Variants in RCOR1 observed in about 807,000 individuals in gnomAD.
The protein encoded by RCOR1 is REST corepressor.
In RCOR1, 12 loss-of-function variants were observed where a neutral mutation model predicts 64.0. The observed-to-expected ratio is 0.19, with a 90% CI of 0.12 to 0.30. The LOEUF (loss-of-function observed/expected upper bound fraction) is 0.30, where lower values mean the gene tolerates loss of function less well. Among genes scored for constraint, RCOR1 ranks in the 10% least tolerant of loss-of-function variants. The pLI, the probability that RCOR1 is intolerant of heterozygous loss-of-function variation, is 1.00. For missense variants in RCOR1, 502 were observed against 621.2 expected, an observed-to-expected ratio of 0.81 and a Z score of 2.04; for synonymous variants, 279 against 227.2, an observed-to-expected ratio of 1.23 and a Z score of -2.05.
chr14:102,595,973 GAC>G (rs1893233676), intron 2 of RCOR1, among the ~76,000 whole-genome samples: 1 of 152,106 alleles, frequency 6.6e-6, no homozygotes, highest in Admixed American at 6.6e-5. Context: ...TAAGCAGGGG[GAC>G]ACAGTTTTCT....
At chr14:102,718,692 A>AT (rs1428262724) in intron 8 of RCOR1, among the ~76,000 whole-genome samples, 29 of 151,508 alleles carry the variant, frequency 1.9e-4, no homozygotes, top group Admixed American at 6.6e-4. Context: ...TTTCTTACCT[A>AT]TTTCATTGCC....
chr14:102,724,293 G>A (rs544524602), intron 11 of RCOR1, among the ~76,000 whole-genome samples: 18 of 151,748 alleles, frequency 1.2e-4, no homozygotes, highest in African/African-American at 4.1e-4. Flanking sequence ...TTTTCACTCC[G>A]CTAGTCATTT....
intron 2 of RCOR1, among the ~76,000 whole-genome samples, chr14:102,613,423 T>G (rs1893675567): frequency 6.6e-6 from 1 of 151,064 alleles, no homozygotes. Flanking sequence ...TTTTTAAACA[T>G]ATTTATTTAT....
intron 2 of RCOR1, among the ~76,000 whole-genome samples, chr14:102,653,586 G>A (rs983417898): frequency 2.0e-5 from 3 of 152,086 alleles, no homozygotes; most frequent in East Asian, 1.9e-4. Context: ...ATCTTGTGTC[G>A]AATTGTCATC....
chr14:102,706,997 A>T (rs1895872098), intron 4 of RCOR1, among the ~76,000 whole-genome samples: 1 of 151,976 alleles, frequency 6.6e-6, no homozygotes, highest in Non-Finnish European at 1.5e-5. Flanking sequence ...TATACTTATC[A>T]TTTCCAAGAA....
At chr14:102,715,367 G>A (rs1460644966) in intron 8 of RCOR1, among the ~76,000 whole-genome samples, 1 of 147,918 alleles carries the variant, frequency 6.8e-6, no homozygotes, top group Non-Finnish European at 1.5e-5. Context: ...CACCGCGCCC[G>A]GCCCTGATTT....
intron 2 of RCOR1, among the ~76,000 whole-genome samples, chr14:102,680,118 T>C (rs1190767764): frequency 6.6e-6 from 1 of 152,110 alleles, no homozygotes; most frequent in East Asian, 2.0e-4. Flanking sequence ...ACATCTTACT[T>C]TATCCCTAAG....
chr14:102,722,228 G>A lies in RCOR1; in HGVS notation c.1231G>A (p.Val411Met), dbSNP rs762420901. The change falls in exon 11 of 12, where the codon GTG (valine) becomes ATG (methionine). Residue 411 changes from valine to methionine, a missense_variant. Around this residue, in one of 2 missense-constraint regions of RCOR1, gnomAD observed 260 missense variants for 416.4 expected, o/e 0.62. Coordinates refer to ENST00000262241, the MANE Select transcript of RCOR1 (RefSeq NM_015156.4). ...CCGAGATTTTCAGGCAATCTCAGACGTGATTGGGAACAAATCAGTGGTACA... is the reference window on the plus strand; with the variant it reads ...CCGAGATTTTCAGGCAATCTCAGACATGATTGGGAACAAATCAGTGGTACA... ...YGRDFQAISD[V>M]IGNKSVVQVK... 8.1e-6 allele frequency: 13 copies of A among 1,614,030 alleles called. No individual in the cohort carries two copies. The highest frequency in any genetic ancestry group is 3.4e-6 in the Non-Finnish European group (4 of 1,180,010).
Position 102,726,510 on chromosome 14 carries a change from A to G in RCOR1, c.*4A>G. ...CAGATATGCATCTGCCTCCTGAGAA[A>G]CTGGTGGCTTTGAACACTTGGTGTG... On this transcript the variant is annotated 3_prime_UTR_variant, in exon 12 of 12. Transcript: ENST00000262241. 6.2e-7 allele frequency: 1 copy of G among 1,604,674 alleles called. No homozygotes were observed. The highest frequency in any genetic ancestry group is 8.5e-7 in the Non-Finnish European group (1 of 1,177,964).
intron 2 of RCOR1, among the ~76,000 whole-genome samples, chr14:102,646,582 G>A (rs1021885739): frequency 6.6e-6 from 1 of 152,152 alleles, no homozygotes; most frequent in African/African-American, 2.4e-5. Context: ...GAAAGTAGTA[G>A]GCAAAGACAG....
At chr14:102,684,981 G>C (rs1255900145) in intron 3 of RCOR1, among the ~76,000 whole-genome samples, 1 of 152,048 alleles carries the variant, frequency 6.6e-6, no homozygotes, top group Non-Finnish European at 1.5e-5. Flanking sequence ...CTGACATTAA[G>C]TAGAAATAAG....
At chr14:102,686,212 TA>T (rs1895414773) in intron 3 of RCOR1, among the ~76,000 whole-genome samples, 1 of 152,174 alleles carries the variant, frequency 6.6e-6, no homozygotes, top group Non-Finnish European at 1.5e-5. Context: ...GCTGTCATTT[TA>T]AAAAAAGCAA....
chr14:102,720,877 GA>G, intron 8 of RCOR1, 129 bp from the exon 9 acceptor site: 1 of 563,534 alleles, frequency 1.8e-6, no homozygotes, highest in Non-Finnish European at 3.1e-6. Flanking sequence ...AGGGATCTCA[GA>G]ATTCAGCTAC....
Position 102,592,799 on chromosome 14 carries a change from C to T in RCOR1, c.-88C>T. On this transcript the variant is annotated 5_prime_UTR_variant, in exon 1 of 12. Coordinates refer to ENST00000262241, the MANE Select transcript of RCOR1 (RefSeq NM_015156.4). ...CCCGCCGCGCCCGCCCGGCCCCGCG[C>T]CGGCCCCGCGCCCCCTCCCCCGTCT... 3 of 1,179,792 alleles carry T rather than the reference C, an allele frequency of 2.5e-6. No homozygotes were observed. The highest frequency in any genetic ancestry group is 4.2e-5 in the South Asian group (1 of 23,842). The allele number at this position is 1,179,792 out of a possible 1,614,324, so 73.1% of individuals were successfully genotyped here.
chr14:102,659,345 A>G (rs56042316), intron 2 of RCOR1: 102,122 of 848,488 alleles, frequency 0.12, 6,684 homozygotes, highest in African/African-American at 0.21. Flanking sequence ...AAGGCTCATA[A>G]AGTCTTCCGT....
chr14:102,644,544 A>G (rs1481642998), intron 2 of RCOR1, among the ~76,000 whole-genome samples: 2 of 152,088 alleles, frequency 1.3e-5, no homozygotes, highest in Non-Finnish European at 1.5e-5. Context: ...CTCTCCCATC[A>G]CATCGCTCCC....
At chr14:102,702,857 GAA>G (rs894953473) in intron 4 of RCOR1, among the ~76,000 whole-genome samples, 1 of 152,084 alleles carries the variant, frequency 6.6e-6, no homozygotes. Context: ...CCATTCAGTA[GAA>G]AAAAATTAAT....
At chr14:102,625,966 C>G (rs992267566) in intron 2 of RCOR1, among the ~76,000 whole-genome samples, 2 of 152,172 alleles carry the variant, frequency 1.3e-5, no homozygotes, top group Non-Finnish European at 2.9e-5. Flanking sequence ...GGATCCTGTT[C>G]TCTGCCCTAC....
At chr14:102,726,060 G>T (rs1392671808) in intron 11 of RCOR1, among the ~76,000 whole-genome samples, 1 of 152,038 alleles carries the variant, frequency 6.6e-6, no homozygotes, top group African/African-American at 2.4e-5. Context: ...TGGGCGTGGG[G>T]GCCCACACAT....
Sources: gnomAD v4.1 joint callset for allele counts (sites outside exome capture counted in the v4.1 genomes callset) on GRCh38, gnomAD v4.1.1 for gene constraint, gnomAD v4.1.1 regional missense constraint, MANE v1.5 for transcripts, NCBI Gene and HGNC (gene_info 2026-07-23, HGNC 2026-07-21) for gene names.